GPHA2: variants seen among roughly 807,000 people sequenced by gnomAD.
GPHA2 encodes glycoprotein hormone alpha-2.
GPHA2 carries 12 observed loss-of-function variants against 15.3 expected under a neutral mutation model. That is an observed-to-expected ratio of 0.78 (90% CI 0.50 to 1.27). The LOEUF (loss-of-function observed/expected upper bound fraction) is 1.27. Among genes scored for constraint, GPHA2 ranks in the 50% most tolerant of loss-of-function variants. The pLI is 0.00. For missense variants in GPHA2, 156 were observed against 169.5 expected (o/e 0.92, Z 0.44); for synonymous variants, 61 against 66.8 (o/e 0.91, Z 0.42).
Position 64,934,978 on chromosome 11 carries a change from G to A in GPHA2, c.288+13C>T, listed in dbSNP as rs369069825. ...ACCCCAGCGTCCATCCACCGGGCCC[G>A]GGCCCTCCTCACCTTCTTCAGGCCA... On this transcript the variant is annotated intron_variant, in intron 3 of 3. Transcript: ENST00000279168. The A allele has an allele frequency of 1.1e-4, 177 of 1,613,746 alleles. No individual in the cohort carries two copies. Among genetic ancestry groups the A allele is most frequent in the Non-Finnish European group, 1.4e-4 (162 of 1,179,958 alleles).
Position 64,935,456 on chromosome 11 carries a change from G to T in GPHA2, c.5C>A (p.Pro2His). Residue 2 changes from proline (P) to histidine (H), a missense_variant, in exon 2 of 4, where the codon CCT (proline) becomes CAT (histidine). Pro to His is a moderately conservative substitution (Grantham distance 77). Transcript: ENST00000279168. M[P>H]MASPQTLVLY... ...GACCAGGGTTTGAGGGGACGCCATA[G>T]GCATCTGAAACACAGTGGGGAGATG... The T allele has an allele frequency of 6.3e-7, 1 of 1,597,606 alleles. No individual in the cohort carries two copies. Among genetic ancestry groups the T allele is most frequent in the Non-Finnish European group, 8.5e-7 (1 of 1,173,010 alleles).
chr11:64,934,551 C>A lies in GPHA2; in HGVS notation c.*222G>T. The A allele has an allele frequency of 1.7e-6, 1 of 597,178 alleles. No individual in the cohort carries two copies. Among genetic ancestry groups the A allele is most frequent in the South Asian group, 2.0e-5 (1 of 49,306 alleles). 37.0% of individuals were successfully genotyped at this position (597,178 alleles called of 1,614,324 possible). ...GAAAGATTGGTTTAGAAGGGCCAGGCAGAGGCAGGGAAGAAGCAGAAACTC... is the reference window on the plus strand; with the variant it reads ...GAAAGATTGGTTTAGAAGGGCCAGGAAGAGGCAGGGAAGAAGCAGAAACTC... On this transcript the variant is annotated 3_prime_UTR_variant, in exon 4 of 4. Coordinates refer to ENST00000279168, the MANE Select transcript of GPHA2 (RefSeq NM_130769.4).
chr11:64,934,937 CT>C lies in GPHA2; in HGVS notation c.288+53del, dbSNP rs773213298. On this transcript the variant is annotated intron_variant, in intron 3 of 3. Transcript: ENST00000279168. ...TCAGGGCTGTCTAGGATCTCCATCT[CT>C]CTGGTCTTCCCGCGACCCCAGCGTC... is the stretch of plus-strand genomic sequence containing the variant. 4 of 1,613,034 alleles carry C rather than the reference CT, an allele frequency of 2.5e-6. No individual in the cohort carries two copies. In the South Asian group the frequency reaches 4.4e-5, roughly 18 times the overall value.
In GPHA2 at chr11:64,934,610, A is replaced by C. The variant is rs111789055; in HGVS notation, c.*163T>G. 2.5e-4 allele frequency: 160 copies of C among 628,896 alleles called. No homozygotes were observed. In the African/African-American group the frequency reaches 2.6e-3, roughly 10 times the overall value. 39.0% of individuals were successfully genotyped at this position (628,896 alleles called of 1,614,324 possible). On this transcript the variant is annotated 3_prime_UTR_variant, in exon 4 of 4. Transcript: ENST00000279168. ...TCAGGTGACAGTCACAAAATCTTAC[A>C]AAGGATCAAAGCTGGAACAACCCTC...
chr11:64,936,165 C>T (rs1371211761), upstream of GPHA2, among the ~76,000 whole-genome samples: 1 of 152,150 alleles, frequency 6.6e-6, no homozygotes, highest in African/African-American at 2.4e-5. Flanking sequence ...GTGCAGCTGA[C>T]GACACAGGGG....
At position 64,935,007 on chromosome 11, in the gene GPHA2, A is replaced by G; in HGVS notation, c.272T>C (p.Ile91Thr). The G allele has an allele frequency of 6.2e-7, 1 of 1,613,798 alleles. No individual in the cohort carries two copies. Among genetic ancestry groups the G allele is most frequent in the Non-Finnish European group, 8.5e-7 (1 of 1,179,912 alleles). Reference sequence around the variant, plus strand: ...CCTCCTCACCTTCTTCAGGCCACTGATGGTGCAGCACTGAGAGACGGAGGT... The same window carrying G: ...CCTCCTCACCTTCTTCAGGCCACTGGTGGTGCAGCACTGAGAGACGGAGGT... ...NITSVSQCCT[I>T]SGLKKVKVQL... Residue 91 changes from isoleucine (I) to threonine (T), a missense_variant, in exon 3 of 4, where the codon ATC (isoleucine) becomes ACC (threonine). By Grantham distance (89) the Ile-to-Thr change is moderately conservative. Coordinates refer to ENST00000279168, the MANE Select transcript of GPHA2 (RefSeq NM_130769.4).
At position 64,935,122 on chromosome 11, in the gene GPHA2, C is replaced by T. The variant is rs370509830; in HGVS notation, c.157G>A (p.Val53Met). ...DRQGTCQGSH[V>M]AQACVGHCES... ...CAGTGGCCCACACAGGCCTGTGCCA[C>T]GTGGGAGCCCTGGCAGGTGCCTTGG... The change falls in exon 3 of 4, where the codon GTG becomes ATG. Residue 53 changes from valine (V) to methionine (M), a missense_variant. Val to Met is a conservative substitution (Grantham distance 21). Coordinates refer to ENST00000279168, the MANE Select transcript of GPHA2 (RefSeq NM_130769.4). 1.9e-6 allele frequency: 3 copies of T among 1,613,986 alleles called. No individual in the cohort carries two copies. Among genetic ancestry groups the T allele is most frequent in the East Asian group, 2.2e-5 (1 of 44,866 alleles).
chr11:64,934,699 A>G lies in GPHA2; in HGVS notation c.*74T>C. On this transcript the variant is annotated 3_prime_UTR_variant, in exon 4 of 4. Transcript: ENST00000279168. ...GGCTGGAGCTCCTTCCAGTTTTTGA[A>G]TCTTGAACACAGGTTTCCCCCACCA... 8.0e-7 allele frequency: 1 copy of G among 1,257,168 alleles called. No homozygotes were observed. 77.9% of individuals were successfully genotyped at this position (1,257,168 alleles called of 1,614,324 possible). A position where few individuals can be genotyped will look rare whatever the true frequency, so the allele number is the denominator to read the frequency against.
upstream of GPHA2, among the ~76,000 whole-genome samples, chr11:64,936,763 T>C (rs1048435905): frequency 6.6e-6 from 1 of 152,120 alleles, no homozygotes; most frequent in African/African-American, 2.4e-5. Flanking sequence ...CAGAGTTGCA[T>C]GGCCACGGTA....
rs1333584011 is a variant in GPHA2, at chr11:64,934,745, C to A, written c.*28G>T. 2.5e-6 allele frequency: 4 copies of A among 1,579,440 alleles called. No individual in the cohort carries two copies. In the South Asian group the frequency reaches 3.3e-5, roughly 13 times the overall value. ...CACCAGAACGTCAAGCCCTGTGACC[C>A]AGGGGAGGAAGGAGGGGAGAGGATG... On this transcript the variant is annotated 3_prime_UTR_variant, in exon 4 of 4. Coordinates refer to ENST00000279168, the MANE Select transcript of GPHA2 (RefSeq NM_130769.4).
rs375287225 is a variant in GPHA2, at chr11:64,935,206, G to T, written c.104-31C>A. The T allele has an allele frequency of 6.2e-5, 98 of 1,584,616 alleles. No homozygotes were observed. The African/African-American group carries it at 1.2e-3, about 20-fold the overall frequency. ...AGGAGATAGGCAAGCAGTAGACGGC[G>T]CCTCTGCCAAGGTTTGCCTCGCCCC... On this transcript the variant is annotated intron_variant, in intron 2 of 3. Transcript: ENST00000279168.
intron 3 of GPHA2, 57 bp downstream of exon 3, chr11:64,934,934 T>A: frequency 6.2e-7 from 1 of 1,612,398 alleles, no homozygotes; most frequent in Non-Finnish European, 8.5e-7. Flanking sequence ...AGGATCTCCA[T>A]CTCTCTGGTC....
At chr11:64,936,942 CAAAG>C (rs765636052), upstream of GPHA2, among the ~76,000 whole-genome samples, 15 of 152,248 alleles carry the variant, frequency 9.9e-5, no homozygotes, top group South Asian at 1.0e-3. Context: ...AACTAAGGCT[CAAAG>C]AAAGAAAGTT....
intron 2 of GPHA2, 84 bp from the exon 3 acceptor site, chr11:64,935,259 G>A: frequency 6.8e-7 from 1 of 1,477,876 alleles, no homozygotes. Context: ...CCTCAGTGTG[G>A]GGCCCTTTAG....
At chr11:64,936,615 T>C (rs1945296127), upstream of GPHA2, among the ~76,000 whole-genome samples, 3 of 152,164 alleles carry the variant, frequency 2.0e-5, no homozygotes, top group South Asian at 4.1e-4. Flanking sequence ...CTAAACTCAG[T>C]CCTGCTTGCC....
intron 3 of GPHA2, 51 bp downstream of exon 3, chr11:64,934,940 T>C: frequency 6.2e-7 from 1 of 1,612,876 alleles, no homozygotes; most frequent in African/African-American, 1.3e-5. Context: ...TCCATCTCTC[T>C]GGTCTTCCCG....
In GPHA2 at chr11:64,935,135, GCAGGTGCCT is replaced by G; in HGVS notation, c.135_143del (p.Gln45_Cys48delinsHis). 1 of 1,613,982 alleles carries G rather than the reference GCAGGTGCCT, an allele frequency of 6.2e-7. No homozygotes were observed. Among genetic ancestry groups the G allele is most frequent in the Admixed American group, 1.7e-5 (1 of 60,026 alleles). ...AGGCCTGTGCCACGTGGGAGCCCTG[GCAGGTGCCT>G]TGGCGGTCACTTCGCACTGTCACAT... is the stretch of plus-strand genomic sequence containing the variant. On this transcript the variant is annotated inframe_deletion, in exon 3 of 4. Coordinates refer to ENST00000279168, the MANE Select transcript of GPHA2 (RefSeq NM_130769.4).
In GPHA2 at chr11:64,935,488, C is replaced by G. The variant is rs1352995324; in HGVS notation, c.1-28G>C. On this transcript the variant is annotated intron_variant, in intron 1 of 3. Transcript: ENST00000279168. ...GAAACACAGTGGGGAGATGTCTCTA[C>G]GTGGGTGTGCAGGTGGGATGGCGAG... The G allele has an allele frequency of 1.2e-5, 18 of 1,478,148 alleles. No homozygotes were observed. In the East Asian group the frequency reaches 4.1e-4, roughly 34 times the overall value. 91.6% of individuals were successfully genotyped at this position (1,478,148 alleles called of 1,614,324 possible). A position where few individuals can be genotyped will look rare whatever the true frequency, so the allele number is the denominator to read the frequency against.
chr11:64,935,915 G>C (rs1454967358), upstream of GPHA2: 1 of 153,876 alleles, frequency 6.5e-6, no homozygotes, highest in Non-Finnish European at 1.4e-5. Context: ...GGCTCTCCAG[G>C]CTTTTATTTG....
Sources: gnomAD v4.1 joint callset for allele counts (sites outside exome capture counted in the v4.1 genomes callset) on GRCh38, gnomAD v4.1.1 for gene constraint, MANE v1.5 for transcripts, NCBI Gene and HGNC (gene_info 2026-07-23, HGNC 2026-07-21) for gene names.